Variants in VAV3 observed in about 807,000 individuals in gnomAD.
The protein encoded by VAV3 is vav guanine nucleotide exchange factor 3, also known as guanine nucleotide exchange factor VAV3.
VAV3 carries 94 observed loss-of-function variants against 131.2 expected under a neutral mutation model. The observed-to-expected ratio is 0.72, with a 90% CI of 0.61 to 0.85. The LOEUF (loss-of-function observed/expected upper bound fraction) is 0.85. VAV3 is among the 40% of genes least tolerant of loss of function. VAV3 has a pLI of 0.00. For missense variants in VAV3, 939 were observed against 1,002.7 expected (o/e 0.94, Z 0.86); for synonymous variants, 349 against 342.0 (o/e 1.02, Z -0.22).
intron 19 of VAV3, among the ~76,000 whole-genome samples, chr1:107,659,681 C>T (rs990403500): frequency 2.0e-5 from 3 of 152,150 alleles, no homozygotes; most frequent in African/African-American, 7.2e-5. Flanking sequence ...GCCTACTGAG[C>T]TTCTACTATA....
chr1:107,817,106 C>G (rs1667592318), intron 2 of VAV3, among the ~76,000 whole-genome samples: 1 of 152,196 alleles, frequency 6.6e-6, no homozygotes, highest in Admixed American at 6.5e-5. Flanking sequence ...ATTCATGGCT[C>G]TTGCTCTGAA....
intron 2 of VAV3, among the ~76,000 whole-genome samples, chr1:107,814,985 A>C (rs1667502513): frequency 6.6e-6 from 1 of 152,298 alleles, no homozygotes. Flanking sequence ...ATTCCAGAAA[A>C]TGTATGAGAG....
intron 25 of VAV3, among the ~76,000 whole-genome samples, chr1:107,586,482 G>C (rs1038416629): frequency 1.3e-5 from 2 of 152,254 alleles, no homozygotes; most frequent in East Asian, 3.9e-4. Flanking sequence ...GAGGAGGAAG[G>C]AGAAAGGGAA....
chr1:107,584,031 A>C (rs1051946434), intron 25 of VAV3, among the ~76,000 whole-genome samples: 17 of 152,306 alleles, frequency 1.1e-4, no homozygotes, highest in African/African-American at 4.1e-4. Flanking sequence ...AGTAACCAAA[A>C]CAGCATGGTA....
At chr1:107,614,642 CA>C (rs1653005917) in intron 21 of VAV3, among the ~76,000 whole-genome samples, 1 of 152,062 alleles carries the variant, frequency 6.6e-6, no homozygotes, top group Non-Finnish European at 1.5e-5. Context: ...CTTGGGTCAG[CA>C]AATATCATTC....
chr1:107,940,959 T>C (rs979969017), intron 1 of VAV3, among the ~76,000 whole-genome samples: 4 of 150,708 alleles, frequency 2.7e-5, no homozygotes, highest in African/African-American at 9.8e-5. Flanking sequence ...ATGGTTAAAA[T>C]GGTAAGTTTT....
In VAV3 at chr1:107,840,656, C is replaced by G. The variant is rs1387674637; in HGVS notation, c.321+34245G>C. 2.0e-5 allele frequency among the ~76,000 whole-genome samples: 3 copies of G among 151,800 alleles called. No homozygotes were observed. The East Asian group carries it at 5.8e-4, about 29-fold the overall frequency. The stretch of plus-strand genomic sequence containing the variant: ...GTGCCCTAAAGAAACGTAAAGGAAG[C>G]AACAAAAGTTAAGTCAGGGGTTCTG... On this transcript the variant is annotated intron_variant, in intron 2 of 26. Transcript: ENST00000370056.
At chr1:107,648,115 T>TC (rs1570680360) in intron 19 of VAV3, among the ~76,000 whole-genome samples, 2 of 152,104 alleles carry the variant, frequency 1.3e-5, no homozygotes, top group East Asian at 3.9e-4. Flanking sequence ...AAGGGAACAC[T>TC]CCCCATCAAT....
At chr1:107,574,747 G>A (rs988830920) in intron 25 of VAV3, among the ~76,000 whole-genome samples, 4 of 152,170 alleles carry the variant, frequency 2.6e-5, no homozygotes, top group African/African-American at 9.6e-5. Context: ...GGCTTTCTAT[G>A]TTAAAACTAT....
At chr1:107,921,545 A>AAAGT (rs1220220098) in intron 1 of VAV3, among the ~76,000 whole-genome samples, 1 of 152,206 alleles carries the variant, frequency 6.6e-6, no homozygotes, top group African/African-American at 2.4e-5. Flanking sequence ...AAAGTTCTGG[A>AAAGT]AAGTGGTAGG....
intron 15 of VAV3, among the ~76,000 whole-genome samples, chr1:107,706,578 T>C (rs1660466974): frequency 6.6e-6 from 1 of 152,206 alleles, no homozygotes; most frequent in Non-Finnish European, 1.5e-5. Flanking sequence ...GCAGAGCTTT[T>C]CTACAGAAAA....
intron 1 of VAV3, among the ~76,000 whole-genome samples, chr1:107,893,770 C>G (rs1671432220): frequency 6.6e-6 from 1 of 152,134 alleles, no homozygotes; most frequent in Admixed American, 6.5e-5. Context: ...CAGTGTTCTT[C>G]TGACCAAAGT....
intron 2 of VAV3, among the ~76,000 whole-genome samples, chr1:107,798,690 G>T (rs1666678552): frequency 8.3e-6 from 1 of 120,016 alleles, no homozygotes. Flanking sequence ...CTGCACTCCA[G>T]CCTGGGCAAC....
rs114385986 is a variant in VAV3, at chr1:107,823,461, T to C, written c.322-43969A>G. On this transcript the variant is annotated intron_variant, in intron 2 of 26. Coordinates refer to ENST00000370056, the MANE Select transcript of VAV3 (RefSeq NM_006113.5). ...TGTAGAGAAATGATAAGTGAAGCAA[T>C]GGGAATGGCTGAGACTCCCCACGTG... Among the ~76,000 whole-genome samples the C allele has an allele frequency of 3.3e-3, 495 of 151,880 alleles. 1 individual carries two copies. The highest frequency in any genetic ancestry group is 0.011 in the African/African-American group (462 of 41,420).
chr1:107,730,294 G>C (rs1662148737), intron 15 of VAV3, among the ~76,000 whole-genome samples: 1 of 152,074 alleles, frequency 6.6e-6, no homozygotes, highest in South Asian at 2.1e-4. Flanking sequence ...CCAAAGTTCT[G>C]GATGGAAAGA....
intron 2 of VAV3, among the ~76,000 whole-genome samples, chr1:107,861,206 C>A (rs77067430): frequency 0.016 from 2,365 of 151,730 alleles, 63 homozygotes; most frequent in African/African-American, 0.045. Context: ...TCTTTCTACA[C>A]GTCTATGTAT....
intron 2 of VAV3, among the ~76,000 whole-genome samples, chr1:107,825,126 T>C (rs1435680011): frequency 6.6e-6 from 1 of 152,160 alleles, no homozygotes; most frequent in East Asian, 1.9e-4. Context: ...TAAATGTGAG[T>C]AGCTGCAGCA....
intron 19 of VAV3, among the ~76,000 whole-genome samples, chr1:107,671,933 A>G (rs1454837879): frequency 6.6e-6 from 1 of 152,242 alleles, no homozygotes; most frequent in Non-Finnish European, 1.5e-5. Flanking sequence ...CACAAAACAA[A>G]AAGTACACAA....
At chr1:107,665,111 TTCTTCTGATAG>T (rs1466095370) in intron 19 of VAV3, among the ~76,000 whole-genome samples, 1 of 152,194 alleles carries the variant, frequency 6.6e-6, no homozygotes, top group African/African-American at 2.4e-5. Flanking sequence ...AGGTAAATCA[TTCTTCTGATAG>T]TCTGGAGGAG....
Sources: allele counts gnomAD v4.1 joint callset (sites outside exome capture counted in the v4.1 genomes callset), GRCh38; gene constraint gnomAD v4.1.1; transcripts MANE v1.5; gene names NCBI Gene and HGNC (gene_info 2026-07-23, HGNC 2026-07-21).